CHSY3: variants seen among roughly 807,000 people sequenced by gnomAD.
The protein encoded by CHSY3 is N-acetylgalactosaminyl-proteoglycan 3-beta-glucuronosyltransferase 3.
Under a neutral mutation model 67.2 loss-of-function variants are expected in CHSY3, and 35 were observed. The ratio of observed to expected loss-of-function variants is 0.52; its 90% CI spans 0.40 to 0.69. CHSY3 has a LOEUF of 0.69. Among genes scored for constraint, CHSY3 ranks in the 30% least tolerant of loss-of-function variants. The pLI, the probability that CHSY3 is intolerant of heterozygous loss-of-function variation, is 0.00. For missense variants in CHSY3, 1,069 were observed against 1,138.5 expected, an observed-to-expected ratio of 0.94 and a Z score of 0.88; for synonymous variants, 474 against 434.7, an observed-to-expected ratio of 1.09 and a Z score of -1.12.
At chr5:130,170,830 G>GT (rs57988811) in intron 2 of CHSY3, among the ~76,000 whole-genome samples, 53 of 148,552 alleles carry the variant, frequency 3.6e-4, no homozygotes, top group East Asian at 7.9e-4. Context: ...TTTTAATCAA[G>GT]TTTTTTTTTT....
chr5:130,027,164 T>G (rs927885785), intron 2 of CHSY3, among the ~76,000 whole-genome samples: 2 of 152,140 alleles, frequency 1.3e-5, no homozygotes, highest in South Asian at 4.1e-4. Context: ...ATGCTGGCAT[T>G]AAGAAGCTCT....
intron 2 of CHSY3, among the ~76,000 whole-genome samples, chr5:130,128,842 T>A (rs1182414863): frequency 6.6e-6 from 1 of 152,126 alleles, no homozygotes; most frequent in East Asian, 1.9e-4. Flanking sequence ...AATAATACCT[T>A]TATAAAGTGG....
chr5:129,996,789 C>T (rs1465006016), intron 2 of CHSY3, among the ~76,000 whole-genome samples: 2 of 152,028 alleles, frequency 1.3e-5, no homozygotes, highest in African/African-American at 2.4e-5. Context: ...ACATCATTTG[C>T]ATTATTTTTG....
intron 2 of CHSY3, among the ~76,000 whole-genome samples, chr5:130,077,003 C>A (rs563017824): frequency 6.6e-6 from 1 of 150,438 alleles, no homozygotes. Flanking sequence ...TGCTAAATGA[C>A]GAGTTAATGG....
intron 2 of CHSY3, among the ~76,000 whole-genome samples, chr5:129,932,134 A>ATG (rs1370285244): frequency 4.5e-5 from 4 of 89,458 alleles, no homozygotes; most frequent in African/African-American, 1.4e-4. Context: ...ATATATATAT[A>ATG]TATATATATG....
In CHSY3 at chr5:129,932,140, A is replaced by ATGTATG. The variant is rs1554070945; in HGVS notation, c.1086+23781_1086+23782insGTATGT. On this transcript the variant is annotated intron_variant, in intron 2 of 2. Coordinates refer to ENST00000305031, the MANE Select transcript of CHSY3 (RefSeq NM_175856.5). ...TATATATATATATATATATATATAT[A>ATGTATG]TATGTATATGAGAGTTAGCTATCTA... Among the ~76,000 whole-genome samples, 425 of 136,332 alleles carry ATGTATG rather than the reference A, an allele frequency of 3.1e-3. 6 individuals are homozygous for ATGTATG. Among genetic ancestry groups the ATGTATG allele is most frequent in the African/African-American group, 0.012 (405 of 33,916 alleles). 89.4% of individuals were successfully genotyped at this position (136,332 alleles called of 152,430 possible). A position where few individuals can be genotyped will look rare whatever the true frequency, so the allele number is the denominator to read the frequency against.
intron 2 of CHSY3, among the ~76,000 whole-genome samples, chr5:130,156,031 G>A (rs1313348669): frequency 6.6e-6 from 1 of 152,200 alleles, no homozygotes; most frequent in Non-Finnish European, 1.5e-5. Flanking sequence ...GAGGAGTGCA[G>A]TTATAGCTTT....
At chr5:130,149,237 C>A (rs1266322869) in intron 2 of CHSY3, among the ~76,000 whole-genome samples, 3 of 152,106 alleles carry the variant, frequency 2.0e-5, no homozygotes, top group African/African-American at 7.2e-5. Context: ...CTGTATTAGG[C>A]TGTTCTTGCA....
At chr5:130,017,456 G>C (rs527601905) in intron 2 of CHSY3, among the ~76,000 whole-genome samples, 15 of 152,086 alleles carry the variant, frequency 9.9e-5, no homozygotes, top group Non-Finnish European at 2.2e-4. Context: ...TGGGATGGAG[G>C]GGTCTGGGGT....
At chr5:130,079,893 A>G (rs1408768009) in intron 2 of CHSY3, among the ~76,000 whole-genome samples, 1 of 152,022 alleles carries the variant, frequency 6.6e-6, no homozygotes, top group Admixed American at 6.6e-5. Context: ...AAAGGCTAAC[A>G]TTTCTCTCTC....
At chr5:130,170,183 T>C (rs1240688840) in intron 2 of CHSY3, among the ~76,000 whole-genome samples, 2 of 152,108 alleles carry the variant, frequency 1.3e-5, no homozygotes, top group African/African-American at 4.8e-5. Context: ...TCCGTCTTTA[T>C]ATCCATGTGT....
intron 2 of CHSY3, among the ~76,000 whole-genome samples, chr5:130,111,812 G>A (rs1370050350): frequency 6.6e-6 from 1 of 151,954 alleles, no homozygotes; most frequent in East Asian, 1.9e-4. Flanking sequence ...AAATATGCAG[G>A]TGCAATGAGG....
intron 2 of CHSY3, among the ~76,000 whole-genome samples, chr5:130,056,055 C>G (rs1313624978): frequency 6.6e-6 from 1 of 152,078 alleles, no homozygotes. Context: ...GAGGTAAATG[C>G]CTATAATGCT....
rs554214668 is a variant in CHSY3, at chr5:130,158,520, A to G, written c.1087-25709A>G. 5.9e-5 allele frequency among the ~76,000 whole-genome samples: 9 copies of G among 152,298 alleles called. No individual in the cohort carries two copies. In the South Asian group the frequency reaches 1.9e-3, roughly 32 times the overall value. On this transcript the variant is annotated intron_variant, in intron 2 of 2. Transcript: ENST00000305031. ...AATGTCAATTTCCCAGTTTAAAGAG[A>G]TCAGATAAAAGGCATTTATCATCAA...
At chr5:129,951,678 T>C (rs1762028034) in intron 2 of CHSY3, among the ~76,000 whole-genome samples, 1 of 152,296 alleles carries the variant, frequency 6.6e-6, no homozygotes. Context: ...CCATTGTCTC[T>C]CCATGTGGAC....
rs190838720 is a variant in CHSY3 at position 130,043,230 on chromosome 5, G to A, written c.1086+134870G>A. Among the ~76,000 whole-genome samples, 34 of 151,644 alleles carry A rather than the reference G, an allele frequency of 2.2e-4. 1 individual carries two copies. Among genetic ancestry groups the A allele is most frequent in the Admixed American group, 2.1e-3 (32 of 15,230 alleles). On this transcript the variant is annotated intron_variant, in intron 2 of 2. Transcript: ENST00000305031. ...TTACTGTGCTAAATTGAAATTTATT[G>A]TCAAATACATAATTTTTAATAGATA... is the stretch of plus-strand genomic sequence containing the variant.
intron 2 of CHSY3, among the ~76,000 whole-genome samples, chr5:129,921,166 G>T (rs933873655): frequency 2.0e-5 from 3 of 152,056 alleles, no homozygotes; most frequent in African/African-American, 7.2e-5. Context: ...ACTCCTAGGA[G>T]ACATTATATG....
At chr5:130,028,338 C>A (rs1449290152) in intron 2 of CHSY3, among the ~76,000 whole-genome samples, 1 of 151,908 alleles carries the variant, frequency 6.6e-6, no homozygotes, top group African/African-American at 2.4e-5. Context: ...CAGAACAGAG[C>A]CCTCAGAAAA....
rs1765048697 is a variant in CHSY3, at chr5:130,043,094, A to G, written c.1086+134734A>G. Among the ~76,000 whole-genome samples, 3 of 152,182 alleles carry G rather than the reference A, an allele frequency of 2.0e-5. No individual in the cohort carries two copies. The South Asian group carries it at 6.2e-4, about 32-fold the overall frequency. ...AATTGTGATATAAATGTTAAACTCC[A>G]TGTTAACAAGGAGCCCTTTGCCTTA... On this transcript the variant is annotated intron_variant, in intron 2 of 2. Transcript: ENST00000305031.
Sources: allele counts gnomAD v4.1 joint callset (sites outside exome capture counted in the v4.1 genomes callset), GRCh38; gene constraint gnomAD v4.1.1; transcripts MANE v1.5; gene names NCBI Gene and HGNC (gene_info 2026-07-23, HGNC 2026-07-21).